The following RFC1 variants were observed in gnomAD, a reference collection of about 807,000 sequenced individuals.
RFC1 encodes the protein A1 140 kDa subunit.
A neutral mutation model predicts 137.4 loss-of-function variants in RFC1; 37 were observed. The ratio of observed to expected loss-of-function variants is 0.27; its 90% CI spans 0.21 to 0.35. The LOEUF (loss-of-function observed/expected upper bound fraction) is 0.35, where lower values mean the gene tolerates loss of function less well. Ranked by LOEUF, RFC1 falls within the 10% of genes least tolerant of loss-of-function variation. RFC1 has a pLI of 1.00. For synonymous variants in RFC1, 429 were observed against 455.7 expected, an observed-to-expected ratio of 0.94 and a Z score of 0.75; for missense variants, 1,205 against 1,358.5, an observed-to-expected ratio of 0.89 and a Z score of 1.78.
At chr4:39,321,530 C>T (rs924291893) in intron 7 of RFC1, 156 bp from the exon 8 acceptor site, 3 of 582,914 alleles carry the variant, frequency 5.1e-6, no homozygotes, top group Non-Finnish European at 3.0e-6. Context: ...ATTTCCAAGG[C>T]AAATGAGGCA....
chr4:39,318,437 A>T (rs547585019), intron 9 of RFC1, among the ~76,000 whole-genome samples: 15 of 152,358 alleles, frequency 9.8e-5, no homozygotes, highest in Non-Finnish European at 2.1e-4. Flanking sequence ...CTATGAAAAG[A>T]ATTCTGAATG....
chr4:39,316,818 A>C, intron 10 of RFC1, 97 bp downstream of exon 10: 1 of 688,022 alleles, frequency 1.5e-6, no homozygotes, highest in South Asian at 1.9e-5. Flanking sequence ...CTCATTTTTA[A>C]TTATTAATCC....
rs940269437 is a variant in RFC1 at position 39,302,756 on chromosome 4, G to A, written c.2321C>T (p.Pro774Leu). The change falls in exon 17 of 25, where the codon CCT becomes CTT. Residue 774 changes from proline to leucine, a missense_variant. Around this residue, in one of 3 missense-constraint regions of RFC1, gnomAD observed 962 missense variants for 1,035.3 expected, o/e 0.93. Coordinates refer to ENST00000349703, the MANE Select transcript of RFC1 (RefSeq NM_002913.5). ...TCATACCTTAATCTGTTCAACCCGA[G>A]GTCTTTGAAAACGAAGATCAAAACA... ...HYCFDLRFQR[P>L]RVEQIKGAMM... The A allele has an allele frequency of 3.8e-6, 6 of 1,595,850 alleles. No homozygotes were observed. The African/African-American group carries it at 5.4e-5, about 14-fold the overall frequency.
In RFC1 at chr4:39,302,284, G is replaced by T. The variant is rs745425268; in HGVS notation, c.2529C>A (p.Ile843=). Reference sequence around the variant, plus strand: ...ACATGGACATTTATTTTACCATTTTGATATCCTTTTTGGCTCTGTGAGAAT... The same window carrying T: ...ACATGGACATTTATTTTACCATTTTTATATCCTTTTTGGCTCTGTGAGAAT... ...KADSHRAKKD[I]KMGPFDVARK... Residue 843 remains isoleucine (I), a synonymous_variant, in exon 19 of 25, where the codon ATC becomes ATA. Coordinates refer to ENST00000349703, the MANE Select transcript of RFC1 (RefSeq NM_002913.5). 6.6e-5 allele frequency: 106 copies of T among 1,600,814 alleles called. No homozygotes were observed. The highest frequency in any genetic ancestry group is 8.6e-5 in the Non-Finnish European group (100 of 1,168,092).
intron 1 of RFC1, 29 bp from the exon 2 acceptor site, chr4:39,351,505 A>T: frequency 6.6e-7 from 1 of 1,504,664 alleles, no homozygotes; most frequent in Non-Finnish European, 8.9e-7. Context: ...AGATTCACGA[A>T]TAAACATTAA....
At chr4:39,325,207 C>T (rs1739702812) in intron 6 of RFC1, among the ~76,000 whole-genome samples, 1 of 152,180 alleles carries the variant, frequency 6.6e-6, no homozygotes. Context: ...TTAGACTTCT[C>T]CCCTGAGTTC....
At chr4:39,326,432 T>C (rs1031951505) in intron 6 of RFC1, 131 bp downstream of exon 6, 5 of 625,056 alleles carry the variant, frequency 8.0e-6, no homozygotes, top group Non-Finnish European at 1.4e-5. Context: ...TATAGAAATT[T>C]AGATTTTCAT....
chr4:39,364,206 C>T (rs1425734395), intron 1 of RFC1, among the ~76,000 whole-genome samples: 1 of 148,494 alleles, frequency 6.7e-6, no homozygotes, highest in South Asian at 2.1e-4. Context: ...TCAAAGGAAA[C>T]TGTAACTGAA....
At position 39,358,823 on chromosome 4, in the gene RFC1, G is replaced by A. The variant is rs539171563; in HGVS notation, c.4-7347C>T. Among the ~76,000 whole-genome samples the A allele has an allele frequency of 1.4e-4, 21 of 152,220 alleles. 1 individual carries two copies. The highest frequency in any genetic ancestry group is 3.3e-4 in the Admixed American group (5 of 15,282). ...ATTGGGAACCCCAAGTCAAAACTCC[G>A]GAACCACACACTCACACTGTGCGAA... On this transcript the variant is annotated intron_variant, in intron 1 of 24. Coordinates refer to ENST00000349703, the MANE Select transcript of RFC1 (RefSeq NM_002913.5).
rs1738678948 is a variant in RFC1, at chr4:39,306,662, C to T, written c.1925G>A (p.Ser642Asn). 6.2e-7 allele frequency: 1 copy of T among 1,613,878 alleles called. No homozygotes were observed. Among genetic ancestry groups the T allele is most frequent in the Non-Finnish European group, 8.5e-7 (1 of 1,179,872 alleles). The change falls in exon 14 of 25, where the codon AGT becomes AAT. Residue 642 changes from serine (S) to asparagine (N), a missense_variant. By Grantham distance (46) the Ser-to-Asn change is conservative. Transcript: ENST00000349703. Reference sequence around the variant, plus strand: ...GCCTGACAGCAACGCTGCTTTAAAACTAGAGCCATCATCTTTGCCGGAAAA... The same window carrying T: ...GCCTGACAGCAACGCTGCTTTAAAATTAGAGCCATCATCTTTGCCGGAAAA... ...GKFSGKDDGSSFKAALLSGPP... is the reference protein window; with the variant it reads ...GKFSGKDDGSNFKAALLSGPP...
intron 4 of RFC1, among the ~76,000 whole-genome samples, chr4:39,337,844 C>T (rs1740433985): frequency 6.6e-6 from 1 of 152,178 alleles, no homozygotes; most frequent in South Asian, 2.1e-4. Context: ...GAGAACACAA[C>T]ATCGCCAATT....
intron 4 of RFC1, among the ~76,000 whole-genome samples, chr4:39,335,004 T>C (rs952954857): frequency 6.6e-6 from 1 of 152,228 alleles, no homozygotes; most frequent in Non-Finnish European, 1.5e-5. Context: ...GAAAAAAGTC[T>C]AATTCTGGAA....
At chr4:39,298,307 CAAAAAAAAA>C (rs55727769) in intron 21 of RFC1, among the ~76,000 whole-genome samples, 25 of 111,208 alleles carry the variant, frequency 2.2e-4, no homozygotes, top group Non-Finnish European at 2.5e-4. Context: ...GACCTTGTCT[CAAAAAAAAA>C]AAAAAAAAAA....
intron 9 of RFC1, among the ~76,000 whole-genome samples, chr4:39,318,360 T>A (rs1739352524): frequency 6.6e-6 from 1 of 152,198 alleles, no homozygotes; most frequent in Non-Finnish European, 1.5e-5. Context: ...TCCATTTTTT[T>A]AACAAGTTTC....
At chr4:39,344,699 C>T (rs1305165806) in intron 3 of RFC1, among the ~76,000 whole-genome samples, 2 of 152,190 alleles carry the variant, frequency 1.3e-5, no homozygotes, top group Non-Finnish European at 2.9e-5. Flanking sequence ...GCGCAAGAAT[C>T]GCTTGAACCT....
intron 1 of RFC1, among the ~76,000 whole-genome samples, chr4:39,365,881 C>T (rs532419568): frequency 6.6e-6 from 1 of 152,312 alleles, no homozygotes; most frequent in South Asian, 2.1e-4. Context: ...TTAGGCAGTA[C>T]TCAAACTGAG....
intron 2 of RFC1, among the ~76,000 whole-genome samples, chr4:39,348,117 T>C (rs1041021323): frequency 1.3e-5 from 2 of 152,034 alleles, no homozygotes; most frequent in Non-Finnish European, 2.9e-5. Flanking sequence ...AGCCTGTCCG[T>C]ATTTCAGAAA....
chr4:39,351,181 G>A (rs1057172308), intron 2 of RFC1, among the ~76,000 whole-genome samples, 167 bp downstream of exon 2: 2 of 145,692 alleles, frequency 1.4e-5, no homozygotes, highest in Non-Finnish European at 3.0e-5. Flanking sequence ...AACCCAGGAG[G>A]CGGAGCTTGC....
intron 21 of RFC1, chr4:39,297,522 A>T (rs1393397477): frequency 6.7e-6 from 1 of 150,180 alleles, no homozygotes; most frequent in African/African-American, 2.5e-5. Context: ...TCCTTTCCCC[A>T]TTTCTTGTTT....
Sources: gnomAD v4.1 joint callset for allele counts (sites outside exome capture counted in the v4.1 genomes callset) on GRCh38, gnomAD v4.1.1 for gene constraint, gnomAD v4.1.1 regional missense constraint, MANE v1.5 for transcripts, NCBI Gene and HGNC (gene_info 2026-07-23, HGNC 2026-07-21) for gene names.